Variants in TRPC5 observed in about 807,000 individuals in gnomAD.
TRPC5 encodes the protein short transient receptor potential channel 5.
In TRPC5, 9 loss-of-function variants were observed where a neutral mutation model predicts 56.5. The ratio of observed to expected loss-of-function variants is 0.16; its 90% CI spans 0.10 to 0.28. The LOEUF is 0.28. Among genes scored for constraint, TRPC5 ranks in the 10% least tolerant of loss-of-function variants. TRPC5 has a pLI of 1.00. For missense variants in TRPC5, 469 were observed against 748.9 expected (o/e 0.63, Z 4.36); for synonymous variants, 282 against 278.5 (o/e 1.01, Z -0.13).
intron 3 of TRPC5, among the ~76,000 whole-genome samples, chrX:111,862,636 A>G (rs370641197): frequency 1.2e-3 from 133 of 112,027 alleles, no homozygotes; most frequent in African/African-American, 4.1e-3. Flanking sequence ...TAGAGGCCCA[A>G]TTGCATTCGT....
At chrX:111,928,592 C>A (rs748405524) in intron 2 of TRPC5, among the ~76,000 whole-genome samples, 1 of 111,807 alleles carries the variant, frequency 8.9e-6, no homozygotes, top group Non-Finnish European at 1.9e-5. Context: ...TCACAGCGGA[C>A]CAAGTGTTAA....
chrX:112,022,177 A>G (rs1929288926), intron 1 of TRPC5, among the ~76,000 whole-genome samples: 1 of 112,387 alleles, frequency 8.9e-6, no homozygotes. Context: ...TATTTATGCA[A>G]TAAGAAGTAT....
chrX:111,872,603 A>G (rs766092354), intron 3 of TRPC5, among the ~76,000 whole-genome samples: 1 of 111,988 alleles, frequency 8.9e-6, no homozygotes, highest in South Asian at 3.8e-4. Flanking sequence ...GGGCTGACTG[A>G]CAAGTTGAGG....
intron 1 of TRPC5, among the ~76,000 whole-genome samples, chrX:112,019,363 G>A (rs1929207322): frequency 8.9e-6 from 1 of 112,153 alleles, no homozygotes; most frequent in African/African-American, 3.2e-5. Flanking sequence ...CTGTGAAGGG[G>A]CATTTGAATT....
intron 1 of TRPC5, among the ~76,000 whole-genome samples, chrX:112,026,051 A>C (rs1288984545): frequency 8.9e-6 from 1 of 112,390 alleles, no homozygotes; most frequent in Non-Finnish European, 1.9e-5. Context: ...CACAAGAAAC[A>C]GTTATAAGAG....
chrX:111,985,832 A>T (rs1182169852), intron 1 of TRPC5, among the ~76,000 whole-genome samples: 1 of 111,798 alleles, frequency 8.9e-6, no homozygotes, highest in Non-Finnish European at 1.9e-5. Context: ...GTTGTCCCTT[A>T]TGGTAACCAT....
chrX:111,794,570 C>T (rs1349373034), intron 7 of TRPC5, among the ~76,000 whole-genome samples: 1 of 111,756 alleles, frequency 8.9e-6, no homozygotes, highest in East Asian at 2.8e-4. Flanking sequence ...GTCAATGAGA[C>T]TTAGTTTATT....
intron 1 of TRPC5, among the ~76,000 whole-genome samples, chrX:112,008,387 C>T (rs1321352561): frequency 1.8e-5 from 2 of 110,849 alleles, no homozygotes; most frequent in African/African-American, 3.3e-5. Context: ...GTCAGGAGAT[C>T]GAGACCATCC....
chrX:112,064,917 A>T (rs1930544159), intron 1 of TRPC5, among the ~76,000 whole-genome samples: 1 of 110,289 alleles, frequency 9.1e-6, no homozygotes, highest in East Asian at 2.9e-4. Flanking sequence ...TACTAAAAAT[A>T]CAAAAAATTA....
chrX:111,811,079 TGAA>T (rs781094248), intron 7 of TRPC5, among the ~76,000 whole-genome samples: 4 of 112,254 alleles, frequency 3.6e-5, no homozygotes, highest in African/African-American at 1.3e-4. Context: ...TTTCTTCCCC[TGAA>T]GAAGATTTAA....
At position 112,023,237 on chromosome X, in the gene TRPC5, TTTTTTTTTG is replaced by T. The variant is rs1439822765; in HGVS notation, c.-22+58633_-22+58641del. On this transcript the variant is annotated intron_variant, in intron 1 of 10. Coordinates refer to ENST00000262839, the MANE Select transcript of TRPC5 (RefSeq NM_012471.3). ...GCGTGAGCCACTGCGCCCAGCAGTT[TTTTTTTTTG>T]TTTTTTTTTTTTTTTTTTTTTTTTT... Among the ~76,000 whole-genome samples, 349 of 97,704 alleles carry T rather than the reference TTTTTTTTTG, an allele frequency of 3.6e-3. 9 individuals are homozygous for T. The highest frequency in any genetic ancestry group is 0.014 in the African/African-American group (336 of 23,641). The allele number at this position is 97,704 out of a possible 115,157, so 84.8% of individuals were successfully genotyped here.
At chrX:111,961,893 A>C (rs753328065) in intron 1 of TRPC5, among the ~76,000 whole-genome samples, 4 of 112,324 alleles carry the variant, frequency 3.6e-5, no homozygotes, top group African/African-American at 1.3e-4. Flanking sequence ...AAAATGTGGA[A>C]TAGTATGTAG....
chrX:111,960,181 C>T (rs747750474), intron 1 of TRPC5, among the ~76,000 whole-genome samples: 11 of 111,972 alleles, frequency 9.8e-5, no homozygotes, highest in Non-Finnish European at 1.9e-4. Context: ...TGCCAAATGA[C>T]CCAAATTTCT....
intron 7 of TRPC5, among the ~76,000 whole-genome samples, chrX:111,829,859 G>A (rs1212151906): frequency 8.8e-6 from 1 of 113,226 alleles, no homozygotes; most frequent in African/African-American, 3.2e-5. Context: ...GGAAATGTGG[G>A]GTGGGAGTCC....
intron 1 of TRPC5, among the ~76,000 whole-genome samples, chrX:112,040,839 G>A (rs956096624): frequency 8.9e-6 from 1 of 111,940 alleles, no homozygotes; most frequent in Non-Finnish European, 1.9e-5. Context: ...CTCTGAGACA[G>A]GGATTCAAGT....
At chrX:111,925,262 C>A (rs939338891) in intron 2 of TRPC5, among the ~76,000 whole-genome samples, 1 of 112,365 alleles carries the variant, frequency 8.9e-6, no homozygotes, top group Non-Finnish European at 1.9e-5. Context: ...ACTGGCTCAG[C>A]TCCATGGGCC....
At chrX:112,078,887 G>T (rs1020460091) in intron 1 of TRPC5, among the ~76,000 whole-genome samples, 1 of 111,621 alleles carries the variant, frequency 9.0e-6, no homozygotes, top group Admixed American at 9.5e-5. Flanking sequence ...GAAAAGCTTC[G>T]TGAGTTTTAG....
intron 2 of TRPC5, among the ~76,000 whole-genome samples, chrX:111,916,156 G>A (rs1925970215): frequency 9.0e-6 from 1 of 110,723 alleles, no homozygotes. Context: ...AAAGAAAAGA[G>A]AAATTGACTC....
rs780160399 is a variant in TRPC5, at chrX:111,773,173, G to A, written c.*3140C>T. Among the ~76,000 whole-genome samples the A allele has an allele frequency of 8.9e-6, 1 of 112,000 alleles. No individual in the cohort carries two copies. The highest frequency in any genetic ancestry group is 1.9e-5 in the Non-Finnish European group (1 of 53,217). On this transcript the variant is annotated 3_prime_UTR_variant, in exon 11 of 11. Transcript: ENST00000262839. ...TATCTCCATGTCAGTAGACAGAAGC[G>A]TAACTTGAAGCATTTATATCTCTGT...
Sources: gnomAD v4.1 joint callset for allele counts (sites outside exome capture counted in the v4.1 genomes callset) on GRCh38, gnomAD v4.1.1 for gene constraint, MANE v1.5 for transcripts, NCBI Gene and HGNC (gene_info 2026-07-23, HGNC 2026-07-21) for gene names.